VPS13B: variants seen among roughly 807,000 people sequenced by gnomAD.
VPS13B encodes the protein vacuolar protein sorting 13 homolog B, also known as intermembrane lipid transfer protein VPS13B.
A neutral mutation model predicts 426.4 loss-of-function variants in VPS13B; 285 were observed. The ratio of observed to expected loss-of-function variants is 0.67; its 90% CI spans 0.61 to 0.74. The LOEUF is 0.74. Ranked by LOEUF, VPS13B falls within the 30% of genes least tolerant of loss-of-function variation. The pLI, the probability that VPS13B is intolerant of heterozygous loss-of-function variation, is 0.00. For synonymous variants in VPS13B, 1,676 were observed against 1,676.4 expected, an observed-to-expected ratio of 1.00 and a Z score of 0.01; for missense variants, 4,537 against 4,782.6, an observed-to-expected ratio of 0.95 and a Z score of 1.51.
intron 19 of VPS13B, among the ~76,000 whole-genome samples, chr8:99,361,686 T>C (rs1438679300): frequency 2.0e-5 from 3 of 152,214 alleles, no homozygotes; most frequent in Admixed American, 2.0e-4. Flanking sequence ...AAGATTGTTT[T>C]GTAGGATTGG....
At chr8:99,862,362 T>C (rs536590401) in intron 58 of VPS13B, among the ~76,000 whole-genome samples, 27 of 152,328 alleles carry the variant, frequency 1.8e-4, no homozygotes, top group African/African-American at 6.5e-4. Flanking sequence ...TAGAGCAACA[T>C]GCAAATGTCA....
chr8:99,822,962 G>T (rs965554611), intron 50 of VPS13B, among the ~76,000 whole-genome samples: 6 of 152,050 alleles, frequency 3.9e-5, no homozygotes, highest in African/African-American at 1.4e-4. Context: ...TTTGACCGTG[G>T]GACCCCATGC....
chr8:99,653,969 A>G (rs1829922438), intron 34 of VPS13B, among the ~76,000 whole-genome samples: 1 of 152,090 alleles, frequency 6.6e-6, no homozygotes, highest in Non-Finnish European at 1.5e-5. Flanking sequence ...CCTTGCATCC[A>G]GAGCAATTTG....
At chr8:99,541,126 T>A (rs1172722623) in intron 30 of VPS13B, among the ~76,000 whole-genome samples, 4 of 152,184 alleles carry the variant, frequency 2.6e-5, no homozygotes, top group Admixed American at 6.5e-5. Flanking sequence ...TATTTTAGTA[T>A]TACTTATCTG....
intron 17 of VPS13B, chr8:99,233,078 G>C: frequency 1.5e-6 from 2 of 1,340,934 alleles, no homozygotes; most frequent in Non-Finnish European, 2.1e-6. Context: ...GCGACTCCCT[G>C]AGGGTATTTC....
intron 19 of VPS13B, among the ~76,000 whole-genome samples, chr8:99,282,782 G>A (rs1819232907): frequency 6.6e-6 from 1 of 152,068 alleles, no homozygotes; most frequent in Admixed American, 6.6e-5. Flanking sequence ...TAAATGTAAT[G>A]CCAATGTAAA....
intron 16 of VPS13B, among the ~76,000 whole-genome samples, chr8:99,175,647 T>C (rs1762442486): frequency 6.6e-6 from 1 of 151,984 alleles, no homozygotes; most frequent in South Asian, 2.1e-4. Context: ...GTCTCAGCTG[T>C]TTAGGAGGCT....
At chr8:99,161,732 CTTTTTT>C (rs374438896) in intron 15 of VPS13B, among the ~76,000 whole-genome samples, 2 of 131,066 alleles carry the variant, frequency 1.5e-5, no homozygotes, top group South Asian at 2.4e-4. Context: ...GTACTAAATC[CTTTTTT>C]TTTTTTTTTT....
At chr8:99,569,427 C>G (rs1419945485) in intron 31 of VPS13B, among the ~76,000 whole-genome samples, 2 of 151,168 alleles carry the variant, frequency 1.3e-5, no homozygotes, top group Non-Finnish European at 2.9e-5. Context: ...AGAGGGAGAC[C>G]CTTTCTCATA....
intron 17 of VPS13B, 39 bp downstream of exon 17, chr8:99,193,096 T>C (rs965522967): frequency 6.2e-7 from 1 of 1,600,906 alleles, no homozygotes; most frequent in South Asian, 1.1e-5. Flanking sequence ...ATGGAAAATT[T>C]GTGTTAGAGG....
intron 21 of VPS13B, among the ~76,000 whole-genome samples, chr8:99,428,901 CTGGATTAAGAAAATG>C: frequency 6.6e-6 from 1 of 152,166 alleles, no homozygotes; most frequent in East Asian, 1.9e-4. Context: ...CAATGATAGA[CTGGATTAAGAAAATG>C]TGGCACATAT....
At chr8:99,370,985 AAAAT>A (rs1033858571) in intron 19 of VPS13B, among the ~76,000 whole-genome samples, 1 of 152,222 alleles carries the variant, frequency 6.6e-6, no homozygotes, top group Non-Finnish European at 1.5e-5. Context: ...AAGCAGAAGA[AAAAT>A]AACTCACCAC....
chr8:99,318,544 G>C (rs1809794935), intron 19 of VPS13B, among the ~76,000 whole-genome samples: 1 of 151,892 alleles, frequency 6.6e-6, no homozygotes, highest in Non-Finnish European at 1.5e-5. Flanking sequence ...TTTTGGGATG[G>C]AGTCTCGCTC....
chr8:99,671,862 C>T (rs918758276), intron 35 of VPS13B, among the ~76,000 whole-genome samples: 121 of 152,252 alleles, frequency 7.9e-4, no homozygotes, highest in African/African-American at 2.8e-3. Context: ...GCTTTCCCAA[C>T]AGCATTTATT....
At chr8:99,166,747 A>C (rs1812029844) in intron 15 of VPS13B, among the ~76,000 whole-genome samples, 1 of 152,196 alleles carries the variant, frequency 6.6e-6, no homozygotes. Context: ...AAGGGACCCC[A>C]AATAACCAAA....
At chr8:99,536,094 C>T (rs1217537345) in intron 30 of VPS13B, among the ~76,000 whole-genome samples, 3 of 151,810 alleles carry the variant, frequency 2.0e-5, no homozygotes, top group Non-Finnish European at 2.9e-5. Flanking sequence ...GGATTACAGG[C>T]GCACGTCACC....
chr8:99,305,340 TATA>T (rs1425472037), intron 19 of VPS13B, among the ~76,000 whole-genome samples: 1 of 152,134 alleles, frequency 6.6e-6, no homozygotes, highest in Non-Finnish European at 1.5e-5. Flanking sequence ...ACCAATACAG[TATA>T]ATAACTGTTT....
intron 21 of VPS13B, among the ~76,000 whole-genome samples, chr8:99,404,474 G>A (rs879938029): frequency 1.3e-5 from 2 of 152,144 alleles, no homozygotes; most frequent in Non-Finnish European, 2.9e-5. Flanking sequence ...GAATCCAAAA[G>A]CTGTTATTTC....
chr8:99,014,366 C>T (rs1313890447), intron 2 of VPS13B, among the ~76,000 whole-genome samples: 1 of 151,812 alleles, frequency 6.6e-6, no homozygotes, highest in Non-Finnish European at 1.5e-5. Flanking sequence ...GATCCGCCCG[C>T]CTCAGTCTTC....
Sources: allele counts gnomAD v4.1 joint callset (sites outside exome capture counted in the v4.1 genomes callset), GRCh38; gene constraint gnomAD v4.1.1; transcripts MANE v1.5; gene names NCBI Gene and HGNC (gene_info 2026-07-23, HGNC 2026-07-21).